The following ITCH variants were observed in gnomAD, a reference collection of about 807,000 sequenced individuals.
ITCH encodes E3 ubiquitin-protein ligase Itchy homolog.
In ITCH, 28 loss-of-function variants were observed where a neutral mutation model predicts 126.8. That is an observed-to-expected ratio of 0.22 (90% CI 0.16 to 0.30). The LOEUF (loss-of-function observed/expected upper bound fraction) is 0.30, where lower values mean the gene tolerates loss of function less well. Among genes scored for constraint, ITCH ranks in the 10% least tolerant of loss-of-function variants. ITCH has a pLI of 1.00. For synonymous variants in ITCH, 342 were observed against 340.0 expected (o/e 1.01, Z -0.06); for missense variants, 631 against 1,032.4 (o/e 0.61, Z 5.33).
In ITCH at chr20:34,489,368, T is replaced by C. The variant is rs1418851621; in HGVS notation, c.2196T>C (p.Phe732=). 6.2e-7 allele frequency: 1 copy of C among 1,613,472 alleles called. No homozygotes were observed. Among genetic ancestry groups the C allele is most frequent in the Admixed American group, 1.7e-5 (1 of 60,028 alleles). Residue 732 remains phenylalanine (F), a synonymous_variant, in exon 21 of 25, where the codon TTT becomes TTC. Coordinates refer to ENST00000374864, the MANE Select transcript of ITCH (RefSeq NM_031483.7). ...EILPQQYLQY[F]DAKELEVLLC... is the part of the protein sequence containing the mutation. ...TTCCCCAGCAATATTTGCAATACTT[T>C]GATGCAAAGGAATTAGAGGTAATGA...
intron 2 of ITCH, among the ~76,000 whole-genome samples, chr20:34,383,153 T>C (rs2038133350): frequency 6.6e-6 from 1 of 152,146 alleles, no homozygotes; most frequent in South Asian, 2.1e-4. Context: ...GCGATGCTCC[T>C]GTGTCAGTCT....
intron 2 of ITCH, chr20:34,384,245 A>T (rs2038182870): frequency 1.1e-5 from 1 of 93,118 alleles, no homozygotes; most frequent in Non-Finnish European, 2.1e-5. Context: ...TGTAAATACC[A>T]GTGCAGCAGT....
chr20:34,484,525 A>G (rs939869019), intron 20 of ITCH, among the ~76,000 whole-genome samples: 1 of 152,214 alleles, frequency 6.6e-6, no homozygotes, highest in Non-Finnish European at 1.5e-5. Context: ...TATGACATAT[A>G]TAGCATTCCA....
At chr20:34,485,541 A>G (rs926382983) in intron 20 of ITCH, among the ~76,000 whole-genome samples, 7 of 152,130 alleles carry the variant, frequency 4.6e-5, no homozygotes, top group Non-Finnish European at 8.8e-5. Context: ...TGATGTGTGT[A>G]TCCAAATCTT....
At chr20:34,490,951 G>C (rs374234768) in intron 22 of ITCH, among the ~76,000 whole-genome samples, 33 of 152,250 alleles carry the variant, frequency 2.2e-4, no homozygotes, top group African/African-American at 7.9e-4. Flanking sequence ...TGGACTTGGA[G>C]TTTTATCCTT....
chr20:34,420,994 A>AGGG (rs1387049922), intron 6 of ITCH, among the ~76,000 whole-genome samples: 9 of 152,188 alleles, frequency 5.9e-5, no homozygotes, highest in Non-Finnish European at 1.0e-4. Context: ...CTGGTTCAGC[A>AGGG]CCACAGGTTT....
At chr20:34,416,129 T>C (rs912425033) in intron 6 of ITCH, among the ~76,000 whole-genome samples, 6 of 151,806 alleles carry the variant, frequency 4.0e-5, no homozygotes, top group African/African-American at 9.7e-5. Context: ...CCAGGCGTGG[T>C]GGCTCACGCC....
chr20:34,463,551 A>G (rs537120814), intron 14 of ITCH, among the ~76,000 whole-genome samples: 43 of 151,244 alleles, frequency 2.8e-4, no homozygotes, highest in African/African-American at 9.4e-4. Context: ...GCCAGTTTAC[A>G]TTTCCACCCT....
intron 14 of ITCH, among the ~76,000 whole-genome samples, chr20:34,467,678 ATTTTTTTTTTTTT>A (rs147009659): frequency 1.0e-5 from 1 of 98,054 alleles, no homozygotes; most frequent in Admixed American, 1.2e-4. Flanking sequence ...TTTCTTTTTC[ATTTTTTTTTTTTT>A]TTTTTTTTTT....
intron 1 of ITCH, among the ~76,000 whole-genome samples, chr20:34,364,331 G>C (rs1373418541): frequency 6.6e-6 from 1 of 152,098 alleles, no homozygotes; most frequent in African/African-American, 2.4e-5. Flanking sequence ...TTTGGAGTGG[G>C]GGATGGGGAA....
chr20:34,400,598 G>C lies in ITCH; in HGVS notation c.70+6717G>C, dbSNP rs139966508. On this transcript the variant is annotated intron_variant, in intron 3 of 24. Transcript: ENST00000374864. ...GAAGTAATCAGTGTTTGTATCAAAG[G>C]GTGGTTAGATTTGTGTTTTAGAAAG... Among the ~76,000 whole-genome samples the C allele has an allele frequency of 3.2e-3, 489 of 151,708 alleles. 3 individuals carry two copies. Among genetic ancestry groups the C allele is most frequent in the Non-Finnish European group, 3.5e-3 (238 of 67,946 alleles).
intron 7 of ITCH, among the ~76,000 whole-genome samples, chr20:34,428,962 G>T (rs933927936): frequency 2.6e-5 from 4 of 152,082 alleles, no homozygotes; most frequent in Non-Finnish European, 5.9e-5. Context: ...GTTTGAGACC[G>T]TGTCTCGTTC....
chr20:34,380,719 A>G (rs902717885), intron 2 of ITCH, among the ~76,000 whole-genome samples: 32 of 142,106 alleles, frequency 2.3e-4, no homozygotes, highest in African/African-American at 7.4e-4. Context: ...CTAAGGTGCT[A>G]TGATTACAGG....
rs967054730 is a variant in ITCH at position 34,479,886 on chromosome 20, G to A, written c.1818+97G>A. On this transcript the variant is annotated intron_variant, in intron 18 of 24. Transcript: ENST00000374864. ...CAGATCATATGAGAGAAAGGGAAGT[G>A]GTTTTTTGTTTTGTTTTGTTTTTTA... is the stretch of plus-strand genomic sequence containing the variant. 16 of 1,144,028 alleles carry A rather than the reference G, an allele frequency of 1.4e-5. No individual in the cohort carries two copies. The East Asian group carries it at 3.3e-4, about 24-fold the overall frequency. The allele number at this position is 1,144,028 out of a possible 1,614,324, so 70.9% of individuals were successfully genotyped here. A position where few individuals can be genotyped will look rare whatever the true frequency, so the allele number is the denominator to read the frequency against.
chr20:34,482,028 A>T (rs112292972), intron 20 of ITCH, among the ~76,000 whole-genome samples: 121 of 152,160 alleles, frequency 8.0e-4, no homozygotes, highest in Non-Finnish European at 1.5e-3. Context: ...CAAACGAATG[A>T]ACAAAACACT....
chr20:34,421,625 A>C (rs1232426516), intron 6 of ITCH, among the ~76,000 whole-genome samples: 1 of 152,156 alleles, frequency 6.6e-6, no homozygotes, highest in African/African-American at 2.4e-5. Context: ...GTTGTTAACT[A>C]TTCTCTGGTT....
chr20:34,440,258 A>G lies in ITCH; in HGVS notation c.783A>G (p.Thr261=). 3 of 1,613,906 alleles carry G rather than the reference A, an allele frequency of 1.9e-6. No individual in the cohort carries two copies. The highest frequency in any genetic ancestry group is 2.5e-6 in the Non-Finnish European group (3 of 1,179,760). ...NTNTNTSEGA[T]SGLIIPLTIS... is the part of the protein sequence containing the mutation. ...ATACAAATACATCTGAAGGAGCAAC[A>G]TCTGGATTAATAATTCCTCTTACTA... Residue 261 remains threonine, a synonymous_variant, in exon 9 of 25, where the codon ACA becomes ACG. Coordinates refer to ENST00000374864, the MANE Select transcript of ITCH (RefSeq NM_031483.7).
At chr20:34,411,204 T>C (rs1352159401) in intron 4 of ITCH, among the ~76,000 whole-genome samples, 2 of 152,142 alleles carry the variant, frequency 1.3e-5, no homozygotes, top group African/African-American at 4.8e-5. Context: ...CAGGCTGGAG[T>C]GCAGTGGCGC....
chr20:34,390,567 A>G (rs191506190), intron 2 of ITCH, among the ~76,000 whole-genome samples: 1 of 144,630 alleles, frequency 6.9e-6, no homozygotes. Flanking sequence ...CTCCCGCCTC[A>G]GCCTCCCAAG....
Sources: gnomAD v4.1 joint callset for allele counts (sites outside exome capture counted in the v4.1 genomes callset) on GRCh38, gnomAD v4.1.1 for gene constraint, MANE v1.5 for transcripts, NCBI Gene and HGNC (gene_info 2026-07-23, HGNC 2026-07-21) for gene names.